Variants in CAPZB observed in about 807,000 individuals in gnomAD.
The protein encoded by CAPZB is capping actin protein of muscle Z-line subunit beta.
A neutral mutation model predicts 38.1 loss-of-function variants in CAPZB; 2 were observed. The ratio of observed to expected loss-of-function variants is 0.05; its 90% CI spans 0.02 to 0.17. The LOEUF (loss-of-function observed/expected upper bound fraction) is 0.17. Among genes scored for constraint, CAPZB ranks in the 10% least tolerant of loss-of-function variants. The pLI is 1.00. For synonymous variants in CAPZB, 107 were observed against 127.4 expected (o/e 0.84, Z 1.08); for missense variants, 161 against 334.2 (o/e 0.48, Z 4.04).
intron 3 of CAPZB, among the ~76,000 whole-genome samples, chr1:19,382,159 G>A (rs2094178923): frequency 6.6e-6 from 1 of 152,174 alleles, no homozygotes; most frequent in Admixed American, 6.5e-5. Context: ...CGGGCAGACT[G>A]GGGGCCTGCA....
At chr1:19,443,604 AGTTATT>A (rs2094486059) in intron 1 of CAPZB, among the ~76,000 whole-genome samples, 1 of 146,802 alleles carries the variant, frequency 6.8e-6, no homozygotes, top group Non-Finnish European at 1.5e-5. Flanking sequence ...GGTATGCTTA[AGTTATT>A]GTTGTTGTTG....
At chr1:19,456,100 T>TG in intron 1 of CAPZB, among the ~76,000 whole-genome samples, 1 of 152,176 alleles carries the variant, frequency 6.6e-6, no homozygotes, top group East Asian at 1.9e-4. Context: ...TTGGTAGAGA[T>TG]GGAGTTTTGC....
chr1:19,358,074 G>A (rs1342630380), intron 4 of CAPZB, among the ~76,000 whole-genome samples: 5 of 152,166 alleles, frequency 3.3e-5, no homozygotes, highest in Non-Finnish European at 7.3e-5. Flanking sequence ...AGCGCTAGCC[G>A]GAAATGAAGG....
At chr1:19,353,619 C>A (rs1380268217) in intron 6 of CAPZB, among the ~76,000 whole-genome samples, 1 of 152,158 alleles carries the variant, frequency 6.6e-6, no homozygotes, top group African/African-American at 2.4e-5. Flanking sequence ...ATGACTGTAA[C>A]AGCTTCCCCC....
intron 3 of CAPZB, among the ~76,000 whole-genome samples, chr1:19,383,446 CAAAAA>C (rs528617668): frequency 3.4e-5 from 4 of 118,056 alleles, no homozygotes; most frequent in Non-Finnish European, 3.5e-5. Context: ...GACTCTGTCT[CAAAAA>C]AAAAAAAAAA....
At chr1:19,389,428 TG>T (rs1347119637) in intron 2 of CAPZB, among the ~76,000 whole-genome samples, 1 of 129,760 alleles carries the variant, frequency 7.7e-6, no homozygotes, top group East Asian at 2.3e-4. Flanking sequence ...ATGGGTCGTG[TG>T]TTTTTTTTTT....
At chr1:19,477,483 C>A (rs1004714296) in intron 1 of CAPZB, among the ~76,000 whole-genome samples, 1 of 152,226 alleles carries the variant, frequency 6.6e-6, no homozygotes, top group African/African-American at 2.4e-5. Context: ...CAAGACTTTT[C>A]ACACCAGAAG....
intron 2 of CAPZB, among the ~76,000 whole-genome samples, chr1:19,408,966 C>A (rs752885088): frequency 2.0e-5 from 3 of 152,162 alleles, no homozygotes; most frequent in African/African-American, 4.8e-5. Context: ...TCCTTCTACC[C>A]CATTTTACCA....
chr1:19,434,239 C>A (rs1018894406), intron 1 of CAPZB, among the ~76,000 whole-genome samples: 2 of 152,148 alleles, frequency 1.3e-5, no homozygotes, highest in African/African-American at 4.8e-5. Flanking sequence ...AGCCCATACT[C>A]GCCATTTCCT....
chr1:19,366,306 ATATAAAT>A (rs2094087167), intron 4 of CAPZB, among the ~76,000 whole-genome samples: 2 of 78,112 alleles, frequency 2.6e-5, no homozygotes, highest in Non-Finnish European at 5.5e-5. Flanking sequence ...ATATATATAT[ATATAAAT>A]AAAATAAATG....
chr1:19,403,759 C>T (rs2100378257), intron 2 of CAPZB, among the ~76,000 whole-genome samples: 1 of 152,300 alleles, frequency 6.6e-6, no homozygotes, highest in South Asian at 2.1e-4. Flanking sequence ...AGGATTGGGA[C>T]ATACCTTCAC....
intron 6 of CAPZB, among the ~76,000 whole-genome samples, chr1:19,354,016 A>G (rs2094006502): frequency 6.6e-6 from 1 of 152,228 alleles, no homozygotes; most frequent in Non-Finnish European, 1.5e-5. Flanking sequence ...TTTAGCAGTC[A>G]CCGAATGGCA....
chr1:19,362,577 T>C (rs1045018937), intron 4 of CAPZB, among the ~76,000 whole-genome samples: 2 of 151,986 alleles, frequency 1.3e-5, no homozygotes, highest in African/African-American at 4.8e-5. Context: ...ACACCTGTAA[T>C]CCTAGCACTT....
chr1:19,378,142 G>A (rs909918720), intron 4 of CAPZB, among the ~76,000 whole-genome samples: 2 of 152,184 alleles, frequency 1.3e-5, no homozygotes, highest in African/African-American at 4.8e-5. Flanking sequence ...TCTGAGAAAC[G>A]AGGACTAAAC....
intron 8 of CAPZB, among the ~76,000 whole-genome samples, chr1:19,342,191 C>CA (rs1488430229): frequency 6.6e-6 from 1 of 152,250 alleles, no homozygotes; most frequent in Non-Finnish European, 1.5e-5. Context: ...CAGGCAGCTC[C>CA]AGCAGAGCAT....
intron 1 of CAPZB, among the ~76,000 whole-genome samples, chr1:19,427,997 T>A (rs1049950991): frequency 3.3e-5 from 5 of 152,220 alleles, no homozygotes. Context: ...CCCTGGGAGA[T>A]GGCAGGGCAA....
At chr1:19,386,857 G>T (rs1348075512) in intron 2 of CAPZB, among the ~76,000 whole-genome samples, 1 of 152,246 alleles carries the variant, frequency 6.6e-6, no homozygotes, top group Non-Finnish European at 1.5e-5. Flanking sequence ...TACCCAAAGA[G>T]ATAGACATAC....
intron 2 of CAPZB, among the ~76,000 whole-genome samples, chr1:19,412,731 A>T (rs1255662083): frequency 6.6e-6 from 1 of 152,250 alleles, no homozygotes; most frequent in Non-Finnish European, 1.5e-5. Flanking sequence ...GAGAAGCGCC[A>T]AGGCACAAGT....
intron 1 of CAPZB, among the ~76,000 whole-genome samples, chr1:19,472,645 T>C (rs1024053064): frequency 1.3e-5 from 2 of 152,032 alleles, no homozygotes; most frequent in Non-Finnish European, 2.9e-5. Context: ...GATTAGTAGT[T>C]ACTATGTAGA....
Sources: allele counts gnomAD v4.1 joint callset (sites outside exome capture counted in the v4.1 genomes callset), GRCh38; gene constraint gnomAD v4.1.1; transcripts MANE v1.5; gene names NCBI Gene and HGNC (gene_info 2026-07-23, HGNC 2026-07-21).